The following SPECC1 variants were observed in gnomAD, a reference collection of about 807,000 sequenced individuals.
SPECC1 encodes the protein cytospin-B.
Under a neutral mutation model 104.1 loss-of-function variants are expected in SPECC1, and 62 were observed. The ratio of observed to expected loss-of-function variants is 0.60; its 90% CI spans 0.49 to 0.74. The LOEUF is 0.74. Among genes scored for constraint, SPECC1 ranks in the 30% least tolerant of loss-of-function variants. SPECC1 has a pLI of 0.00. For synonymous variants in SPECC1, 513 were observed against 501.6 expected (o/e 1.02, Z -0.30); for missense variants, 1,306 against 1,310.5 (o/e 1.00, Z 0.05).
intron 1 of SPECC1, among the ~76,000 whole-genome samples, chr17:20,092,013 C>T (rs892944360): frequency 1.3e-5 from 2 of 152,118 alleles, no homozygotes; most frequent in African/African-American, 4.8e-5. Flanking sequence ...TAACTGTTGC[C>T]CAGCGCCTAA....
intron 3 of SPECC1, among the ~76,000 whole-genome samples, chr17:20,157,595 C>T (rs1278441683): frequency 6.6e-6 from 1 of 152,142 alleles, no homozygotes; most frequent in Non-Finnish European, 1.5e-5. Context: ...GTGAAAACCC[C>T]TGTGTATTAT....
intron 3 of SPECC1, among the ~76,000 whole-genome samples, chr17:20,156,610 T>C (rs1230961954): frequency 6.6e-6 from 1 of 152,012 alleles, no homozygotes; most frequent in African/African-American, 2.4e-5. Flanking sequence ...GGCCTCTCCC[T>C]GTCGGCCGCC....
At chr17:20,180,015 G>A (rs1449086138) in intron 3 of SPECC1, among the ~76,000 whole-genome samples, 2 of 152,144 alleles carry the variant, frequency 1.3e-5, no homozygotes, top group Non-Finnish European at 2.9e-5. Context: ...TTTCATCTTT[G>A]TTGGTGTGGG....
At chr17:20,276,264 A>G (rs1373668125) in intron 12 of SPECC1, among the ~76,000 whole-genome samples, 1 of 152,068 alleles carries the variant, frequency 6.6e-6, no homozygotes, top group African/African-American at 2.4e-5. Context: ...CTACAGGTAC[A>G]TGACACCACA....
At chr17:20,069,956 T>C (rs939942329) in intron 1 of SPECC1, among the ~76,000 whole-genome samples, 2 of 152,180 alleles carry the variant, frequency 1.3e-5, no homozygotes, top group African/African-American at 2.4e-5. Flanking sequence ...TTTTGTAAGA[T>C]CTTGTATTCT....
chr17:20,226,388 T>C (rs193211150), intron 4 of SPECC1, among the ~76,000 whole-genome samples: 7 of 152,248 alleles, frequency 4.6e-5, no homozygotes, highest in Admixed American at 4.6e-4. Context: ...ACAGATACAG[T>C]ATAATCCACT....
At chr17:20,101,361 A>T (rs971191763) in intron 2 of SPECC1, among the ~76,000 whole-genome samples, 8 of 152,202 alleles carry the variant, frequency 5.3e-5, no homozygotes, top group African/African-American at 1.9e-4. Context: ...CGCCATTCTA[A>T]CTGGCGTGAG....
At chr17:20,055,186 TG>T (rs1199474969) in intron 1 of SPECC1, among the ~76,000 whole-genome samples, 6 of 152,220 alleles carry the variant, frequency 3.9e-5, no homozygotes, top group Non-Finnish European at 8.8e-5. Flanking sequence ...GTGCAGTATT[TG>T]TCTTTCTATG....
intron 7 of SPECC1, among the ~76,000 whole-genome samples, chr17:20,236,444 G>A (rs2038915942): frequency 6.6e-6 from 1 of 152,178 alleles, no homozygotes; most frequent in South Asian, 2.1e-4. Context: ...TTTCAACAAT[G>A]TGGACATAAG....
intron 3 of SPECC1, among the ~76,000 whole-genome samples, chr17:20,167,132 A>G (rs966978893): frequency 4.9e-4 from 72 of 147,974 alleles, no homozygotes; most frequent in African/African-American, 1.6e-3. Flanking sequence ...TGTAATGTGT[A>G]TATATATATT....
At chr17:20,302,878 T>TAAAAAAA (rs35060925) in intron 13 of SPECC1, among the ~76,000 whole-genome samples, 1 of 61,872 alleles carries the variant, frequency 1.6e-5, no homozygotes, top group Non-Finnish European at 3.0e-5. Flanking sequence ...TGAGCCCATC[T>TAAAAAAA]AAAAAAAAAA....
intron 3 of SPECC1, among the ~76,000 whole-genome samples, chr17:20,187,469 AT>A (rs2035359341): frequency 6.6e-6 from 1 of 152,064 alleles, no homozygotes; most frequent in African/African-American, 2.4e-5. Flanking sequence ...TGGTGTGCAG[AT>A]GTGAGCCCTG....
chr17:20,210,258 T>C (rs1217309712), intron 4 of SPECC1, among the ~76,000 whole-genome samples: 1 of 152,198 alleles, frequency 6.6e-6, no homozygotes, highest in Admixed American at 6.5e-5. Context: ...AGGTGATGTA[T>C]TGATATATGA....
At chr17:20,092,672 C>T (rs1250765780) in intron 1 of SPECC1, among the ~76,000 whole-genome samples, 1 of 152,182 alleles carries the variant, frequency 6.6e-6, no homozygotes, top group African/African-American at 2.4e-5. Context: ...CGTTGAACAC[C>T]ATCAACAGTT....
At chr17:20,048,746 A>T (rs12946508) in intron 1 of SPECC1, among the ~76,000 whole-genome samples, 34,134 of 151,580 alleles carry the variant, frequency 0.23, 4,686 homozygotes, top group Middle Eastern at 0.34. Context: ...TATATACAAA[A>T]ATTAGCATGA....
At chr17:20,243,930 A>G (rs1246236335) in intron 7 of SPECC1, among the ~76,000 whole-genome samples, 1 of 151,878 alleles carries the variant, frequency 6.6e-6, no homozygotes. Flanking sequence ...GACTGGTAAG[A>G]AGGTGGCCAG....
At chr17:20,180,244 T>C (rs2034779867) in intron 3 of SPECC1, among the ~76,000 whole-genome samples, 1 of 152,010 alleles carries the variant, frequency 6.6e-6, no homozygotes, top group Non-Finnish European at 1.5e-5. Flanking sequence ...AGTTAACAAA[T>C]AGTAAACAAA....
At chr17:20,046,564 A>G (rs1299973641) in intron 1 of SPECC1, among the ~76,000 whole-genome samples, 1 of 152,198 alleles carries the variant, frequency 6.6e-6, no homozygotes, top group African/African-American at 2.4e-5. Context: ...AGTAAGTCTT[A>G]GAATACGTTA....
rs367886639 is a variant in SPECC1 at position 20,209,210 on chromosome 17, A to G, written c.1863+3298A>G. 1.4e-4 allele frequency among the ~76,000 whole-genome samples: 22 copies of G among 152,324 alleles called. No homozygotes were observed. In the East Asian group the frequency reaches 3.9e-3, roughly 27 times the overall value. Reference sequence around the variant, plus strand: ...AGAACTTCCAAATATAGCTGCCTTCAGCAGGTATCGGAGTAACTGTCCTGT... The same window carrying G: ...AGAACTTCCAAATATAGCTGCCTTCGGCAGGTATCGGAGTAACTGTCCTGT... On this transcript the variant is annotated intron_variant, in intron 4 of 14. Coordinates refer to ENST00000395527, the MANE Select transcript of SPECC1 (RefSeq NM_001243439.2).
Sources: allele counts gnomAD v4.1 joint callset (sites outside exome capture counted in the v4.1 genomes callset), GRCh38; gene constraint gnomAD v4.1.1; transcripts MANE v1.5; gene names NCBI Gene and HGNC (gene_info 2026-07-23, HGNC 2026-07-21).